SHISA9: variants seen among roughly 807,000 people sequenced by gnomAD.
The protein encoded by SHISA9 is protein shisa-9.
A neutral mutation model predicts 38.0 loss-of-function variants in SHISA9; 13 were observed. That is an observed-to-expected ratio of 0.34 (90% CI 0.22 to 0.54). The LOEUF (loss-of-function observed/expected upper bound fraction) is 0.54. SHISA9 is among the 20% of genes least tolerant of loss of function. SHISA9 has a pLI of 0.91. For missense variants in SHISA9, 538 were observed against 575.8 expected (o/e 0.93, Z 0.67); for synonymous variants, 275 against 242.0 (o/e 1.14, Z -1.27).
chr16:13,090,365 T>G (rs977471929), intron 2 of SHISA9, among the ~76,000 whole-genome samples: 1 of 152,228 alleles, frequency 6.6e-6, no homozygotes, highest in Non-Finnish European at 1.5e-5. Flanking sequence ...CTCGTTAACC[T>G]TCTGTCTCAC....
chr16:12,958,520 A>T (rs532113086), intron 2 of SHISA9, among the ~76,000 whole-genome samples: 1 of 152,318 alleles, frequency 6.6e-6, no homozygotes, highest in East Asian at 1.9e-4. Context: ...GCTGGACACA[A>T]TATGTCTTCA....
intron 2 of SHISA9, among the ~76,000 whole-genome samples, chr16:13,097,719 T>C (rs994594226): frequency 2.0e-5 from 3 of 152,178 alleles, no homozygotes; most frequent in African/African-American, 7.2e-5. Context: ...ATGCAGTCTT[T>C]AGTAGCTTTG....
the SHISA9 span, among the ~76,000 whole-genome samples, chr16:13,387,656 A>C: frequency 6.6e-6 from 1 of 151,804 alleles, no homozygotes; most frequent in Non-Finnish European, 1.5e-5. Flanking sequence ...CGCCTGGCTA[A>C]TTTTTGTATT....
At chr16:13,393,229 G>A in the SHISA9 span, among the ~76,000 whole-genome samples, 1 of 152,112 alleles carries the variant, frequency 6.6e-6, no homozygotes, top group South Asian at 2.1e-4. Context: ...CAGCTCCACG[G>A]GTGTGTGACC....
the SHISA9 span, among the ~76,000 whole-genome samples, chr16:13,254,640 C>T: frequency 6.6e-6 from 1 of 152,234 alleles, no homozygotes; most frequent in Non-Finnish European, 1.5e-5. Flanking sequence ...CAGAAAGGGG[C>T]CTCTTGGCCC....
the SHISA9 span, among the ~76,000 whole-genome samples, chr16:13,353,031 G>A: frequency 0.02 from 2,981 of 152,218 alleles, 43 homozygotes; most frequent in Middle Eastern, 0.037. Flanking sequence ...TGCCTTCTTA[G>A]TATGAAAAAT....
intron 2 of SHISA9, among the ~76,000 whole-genome samples, chr16:13,072,157 G>A (rs185196448): frequency 5.3e-5 from 8 of 152,378 alleles, no homozygotes; most frequent in Non-Finnish European, 7.3e-5. Context: ...GCTGGCCCAG[G>A]CCATCTCACC....
chr16:13,036,551 A>G (rs1264027975), intron 2 of SHISA9, among the ~76,000 whole-genome samples: 1 of 152,200 alleles, frequency 6.6e-6, no homozygotes, highest in East Asian at 1.9e-4. Context: ...TGGTGGGGCT[A>G]GTTACATTGG....
the SHISA9 span, among the ~76,000 whole-genome samples, chr16:13,534,065 G>C: frequency 6.6e-6 from 1 of 152,076 alleles, no homozygotes; most frequent in South Asian, 2.1e-4. Flanking sequence ...TTATAGGCGT[G>C]AGCCACCGCG....
chr16:12,982,893 G>A (rs534219528), intron 2 of SHISA9, among the ~76,000 whole-genome samples: 1 of 152,260 alleles, frequency 6.6e-6, no homozygotes, highest in East Asian at 1.9e-4. Context: ...TCACACGCTC[G>A]CTTCTAGCTG....
chr16:13,118,427 T>G (rs1351673112), intron 2 of SHISA9, among the ~76,000 whole-genome samples: 2 of 152,132 alleles, frequency 1.3e-5, no homozygotes, highest in Non-Finnish European at 2.9e-5. Context: ...GAAATCAACA[T>G]GCACAGAGGC....
At chr16:13,261,121 G>C in the SHISA9 span, among the ~76,000 whole-genome samples, 3 of 152,176 alleles carry the variant, frequency 2.0e-5, no homozygotes, top group Admixed American at 2.0e-4. Context: ...TCTGGGAGAT[G>C]CAATTCAAGT....
chr16:13,037,102 A>AGG (rs1201396189), intron 2 of SHISA9, among the ~76,000 whole-genome samples: 5 of 47,382 alleles, frequency 1.1e-4, no homozygotes, highest in African/African-American at 6.5e-4. Flanking sequence ...ACACACACAC[A>AGG]CACACAGACA....
the SHISA9 span, chr16:13,458,305 A>G: frequency 8.2e-4 from 213 of 261,024 alleles, no homozygotes; most frequent in Non-Finnish European, 1.4e-3. Flanking sequence ...ATGGGAGATC[A>G]TAAAAATTAT....
chr16:13,198,714 C>G (rs1236175037), intron 2 of SHISA9, among the ~76,000 whole-genome samples: 1 of 152,214 alleles, frequency 6.6e-6, no homozygotes, highest in Non-Finnish European at 1.5e-5. Context: ...TCACAAATGT[C>G]TGTTTAATAA....
intron 2 of SHISA9, among the ~76,000 whole-genome samples, chr16:13,059,969 C>T (rs563753871): frequency 6.6e-6 from 1 of 152,298 alleles, no homozygotes; most frequent in Non-Finnish European, 1.5e-5. Context: ...TCATTTAAGC[C>T]ATCCTGTCTG....
chr16:13,373,325 A>G, the SHISA9 span, among the ~76,000 whole-genome samples: 2 of 152,206 alleles, frequency 1.3e-5, no homozygotes, highest in African/African-American at 2.4e-5. Flanking sequence ...TGCTCTATCT[A>G]CAAATAACAA....
At chr16:13,520,148 C>T in the SHISA9 span, among the ~76,000 whole-genome samples, 3 of 152,236 alleles carry the variant, frequency 2.0e-5, no homozygotes, top group South Asian at 4.2e-4. Flanking sequence ...ATGTCACCCA[C>T]GTGATGTGGG....
At chr16:12,969,701 C>T (rs1031378575) in intron 2 of SHISA9, among the ~76,000 whole-genome samples, 10 of 152,066 alleles carry the variant, frequency 6.6e-5, no homozygotes, top group Admixed American at 2.0e-4. Context: ...GAGCTGAGAG[C>T]GTGCCATTGC....
Sources: gnomAD v4.1 joint callset for allele counts (sites outside exome capture counted in the v4.1 genomes callset) on GRCh38, gnomAD v4.1.1 for gene constraint, MANE v1.5 for transcripts, NCBI Gene and HGNC (gene_info 2026-07-23, HGNC 2026-07-21) for gene names.